PTK2: variants seen among roughly 807,000 people sequenced by gnomAD.
PTK2 encodes focal adhesion kinase 1.
PTK2 carries 45 observed loss-of-function variants against 150.1 expected under a neutral mutation model. The ratio of observed to expected loss-of-function variants is 0.30; its 90% confidence interval spans 0.24 to 0.38. The LOEUF (loss-of-function observed/expected upper bound fraction) is 0.38. Among genes scored for constraint, PTK2 ranks in the 10% least tolerant of loss-of-function variants. The pLI is 1.00. For missense variants in PTK2, 919 were observed against 1,307.3 expected, an observed-to-expected ratio of 0.70 and a Z score of 4.58; for synonymous variants, 432 against 449.2, an observed-to-expected ratio of 0.96 and a Z score of 0.48.
At chr8:140,939,249 T>C (rs967745059) in intron 1 of PTK2, among the ~76,000 whole-genome samples, 1 of 152,238 alleles carries the variant, frequency 6.6e-6, no homozygotes, top group African/African-American at 2.4e-5. Context: ...GAAAAAACTA[T>C]ACATTTTATT....
chr8:140,785,094 T>G (rs2100084175), intron 14 of PTK2, among the ~76,000 whole-genome samples: 1 of 152,096 alleles, frequency 6.6e-6, no homozygotes, highest in Non-Finnish European at 1.5e-5. Flanking sequence ...GCCCAACATC[T>G]CCTAGGAAGG....
chr8:140,829,587 T>C (rs1478392156), intron 8 of PTK2, among the ~76,000 whole-genome samples: 1 of 152,188 alleles, frequency 6.6e-6, no homozygotes, highest in Non-Finnish European at 1.5e-5. Context: ...CAAAGTTAGC[T>C]ACATTTTCTC....
intron 22 of PTK2, 93 bp downstream of exon 25, chr8:140,735,158 C>T: frequency 8.2e-7 from 1 of 1,213,312 alleles, no homozygotes; most frequent in Non-Finnish European, 1.2e-6. Context: ...CTTAGACATA[C>T]TGATATAATG....
At chr8:140,855,541 G>A (rs1044515476) in intron 5 of PTK2, among the ~76,000 whole-genome samples, 3 of 152,108 alleles carry the variant, frequency 2.0e-5, no homozygotes, top group Non-Finnish European at 4.4e-5. Flanking sequence ...GTTGCAGTGA[G>A]CCAAGATCAC....
chr8:140,898,643 AT>A (rs1459100351), intron 2 of PTK2, among the ~76,000 whole-genome samples: 1 of 152,192 alleles, frequency 6.6e-6, no homozygotes, highest in African/African-American at 2.4e-5. Context: ...ATGCTACATA[AT>A]GCAGCACATA....
intron 10 of PTK2, among the ~76,000 whole-genome samples, chr8:140,812,599 A>C (rs2100102246): frequency 6.6e-6 from 1 of 152,220 alleles, no homozygotes; most frequent in South Asian, 2.1e-4. Flanking sequence ...AGCTGGATAA[A>C]GAACCAAGAT....
At chr8:140,800,085 A>G (rs951177826) in intron 12 of PTK2, among the ~76,000 whole-genome samples, 6 of 152,224 alleles carry the variant, frequency 3.9e-5, no homozygotes, top group African/African-American at 1.4e-4. Flanking sequence ...AAAAAGTAGA[A>G]AGGACACTTT....
At chr8:140,833,420 G>C (rs2100116717) in intron 7 of PTK2, among the ~76,000 whole-genome samples, 2 of 152,176 alleles carry the variant, frequency 1.3e-5, no homozygotes, top group South Asian at 4.1e-4. Flanking sequence ...TTGTGATAGA[G>C]GACTCTGAGC....
chr8:140,989,969 A>C (rs543529438), intron 1 of PTK2, among the ~76,000 whole-genome samples: 2 of 152,176 alleles, frequency 1.3e-5, no homozygotes, highest in East Asian at 3.9e-4. Flanking sequence ...TAAAACCACA[A>C]GGCGGTACAC....
intron 1 of PTK2, among the ~76,000 whole-genome samples, chr8:140,972,128 A>G (rs747555274): frequency 6.6e-6 from 1 of 152,216 alleles, no homozygotes; most frequent in East Asian, 1.9e-4. Context: ...ATTGATGTTG[A>G]TAATAGCAAA....
chr8:140,736,160 A>G (rs552196408), intron 21 of PTK2, among the ~76,000 whole-genome samples: 1 of 152,388 alleles, frequency 6.6e-6, no homozygotes, highest in Non-Finnish European at 1.5e-5. Context: ...AAGAAAATGT[A>G]GTACATATAT....
intron 10 of PTK2, among the ~76,000 whole-genome samples, chr8:140,811,594 G>A (rs904397961): frequency 6.6e-5 from 10 of 152,162 alleles, no homozygotes; most frequent in African/African-American, 2.4e-4. Context: ...ATAGAATTCA[G>A]AACATGGATA....
chr8:140,789,401 C>G, intron 14 of PTK2, 73 bp downstream of exon 14: 1 of 1,438,708 alleles, frequency 7.0e-7, no homozygotes, highest in Non-Finnish European at 9.5e-7. Context: ...AGCAATTATA[C>G]TAAAAATAGA....
chr8:140,899,600 C>T (rs990036460), intron 2 of PTK2, among the ~76,000 whole-genome samples: 8 of 152,198 alleles, frequency 5.3e-5, no homozygotes, highest in Admixed American at 2.0e-4. Context: ...AATCATTTTA[C>T]AAGGGCAGTA....
At chr8:140,957,722 A>C (rs925185668) in intron 1 of PTK2, among the ~76,000 whole-genome samples, 11 of 152,156 alleles carry the variant, frequency 7.2e-5, no homozygotes, top group African/African-American at 2.7e-4. Context: ...GTTTAGATAC[A>C]CACACACTTA....
intron 10 of PTK2, among the ~76,000 whole-genome samples, chr8:140,812,216 C>T (rs906370115): frequency 2.6e-5 from 4 of 152,178 alleles, no homozygotes; most frequent in Non-Finnish European, 4.4e-5. Flanking sequence ...TCAGTAGAAA[C>T]TCTACAAGCC....
intron 2 of PTK2, among the ~76,000 whole-genome samples, chr8:140,925,020 C>T (rs552211073): frequency 6.6e-6 from 1 of 152,080 alleles, no homozygotes. Flanking sequence ...ATGAGAAGGT[C>T]CCTGGGAATG....
In PTK2 at chr8:140,779,308, T is replaced by C. The variant is rs541592412; in HGVS notation, c.1177+10166A>G. ...CTGGAGGAATTGCCTACCATGAATA[T>C]TGAAATCCTCCCAAACTACGATGGG... On this transcript the variant is annotated intron_variant, in intron 14 of 31. Coordinates refer to ENST00000522684, the Ensembl canonical transcript of PTK2. Among the ~76,000 whole-genome samples, 32 of 150,120 alleles carry C rather than the reference T, an allele frequency of 2.1e-4. No individual in the cohort carries two copies. The South Asian group carries it at 6.3e-3, about 30-fold the overall frequency.
chr8:140,900,986 T>G (rs2100158223), intron 2 of PTK2, among the ~76,000 whole-genome samples: 1 of 152,078 alleles, frequency 6.6e-6, no homozygotes, highest in African/African-American at 2.4e-5. Flanking sequence ...GCTGGAGACA[T>G]TACACTACCT....
Sources: gnomAD v4.1 joint callset for allele counts (sites outside exome capture counted in the v4.1 genomes callset) on GRCh38, gnomAD v4.1.1 for gene constraint, MANE v1.5 for transcripts, NCBI Gene and HGNC (gene_info 2026-07-23, HGNC 2026-07-21) for gene names.